Variants in GRID2 observed in about 807,000 individuals in gnomAD.
GRID2 encodes the protein glutamate ionotropic receptor delta type subunit 2.
Under a neutral mutation model 114.8 loss-of-function variants are expected in GRID2, and 33 were observed. The ratio of observed to expected loss-of-function variants is 0.29; its 90% CI spans 0.22 to 0.38. The LOEUF (loss-of-function observed/expected upper bound fraction) is 0.38. GRID2 is among the 10% of genes least tolerant of loss of function. The probability of loss-of-function intolerance (pLI) is 1.00; values close to 1 mark genes in which losing one functional copy is unlikely to be tolerated. For missense variants in GRID2, 1,184 were observed against 1,257.7 expected (o/e 0.94, Z 0.89); for synonymous variants, 505 against 449.9 (o/e 1.12, Z -1.55).
intron 8 of GRID2, among the ~76,000 whole-genome samples, chr4:93,293,299 G>A (rs186223522): frequency 1.1e-4 from 16 of 152,144 alleles, no homozygotes; most frequent in Non-Finnish European, 1.9e-4. Context: ...ATCTACATCC[G>A]CTCCCATACA....
At chr4:93,791,297 G>C (rs1392429251) in intron 1 of GRID2, among the ~76,000 whole-genome samples, 1 of 152,052 alleles carries the variant, frequency 6.6e-6, no homozygotes, top group South Asian at 2.1e-4. Flanking sequence ...GCACCACCTC[G>C]TGTCAGGGCC....
intron 1 of GRID2, among the ~76,000 whole-genome samples, chr4:92,471,222 A>C (rs918050661): frequency 6.6e-6 from 1 of 152,052 alleles, no homozygotes; most frequent in Non-Finnish European, 1.5e-5. Context: ...TAAGGTTAGG[A>C]TCATGTTTTA....
At chr4:93,264,770 ATAT>A (rs1750631984) in intron 8 of GRID2, among the ~76,000 whole-genome samples, 8 of 144,432 alleles carry the variant, frequency 5.5e-5, no homozygotes, top group South Asian at 4.2e-4. Context: ...ATATATATAT[ATAT>A]AAATATATAT....
chr4:92,665,744 T>C lies in GRID2; in HGVS notation c.244+75458T>C, dbSNP rs1376498403. On this transcript the variant is annotated intron_variant, in intron 2 of 15. Coordinates refer to ENST00000282020, the MANE Select transcript of GRID2 (RefSeq NM_001510.4). ...TTTTCTAGTAGTTATTTAAATATAA[T>C]AGTCCATTGCCTTCTAGACTGCAGT... Among the ~76,000 whole-genome samples the C allele has an allele frequency of 6.0e-5, 9 of 151,158 alleles. No homozygotes were observed. In the Admixed American group the frequency reaches 6.0e-4, roughly 10 times the overall value.
intron 2 of GRID2, among the ~76,000 whole-genome samples, chr4:92,965,476 A>AAAAAAAAAAAAAAAAAAAAC (rs1753091953): frequency 7.6e-6 from 1 of 132,224 alleles, no homozygotes; most frequent in Non-Finnish European, 1.6e-5. Flanking sequence ...AAAAAAAAAA[A>AAAAAAAAAAAAAAAAAAAAC]AAAAAAAAAA....
chr4:93,033,467 A>G (rs1459232980), intron 2 of GRID2, among the ~76,000 whole-genome samples: 2 of 152,164 alleles, frequency 1.3e-5, no homozygotes, highest in Non-Finnish European at 2.9e-5. Context: ...CACATGGAGT[A>G]TTGTGAATCA....
intron 12 of GRID2, among the ~76,000 whole-genome samples, chr4:93,504,794 C>T (rs1450148025): frequency 6.7e-6 from 1 of 148,858 alleles, no homozygotes; most frequent in Non-Finnish European, 1.5e-5. Context: ...AACTAAAATA[C>T]AAGAGAAAAA....
At chr4:93,598,415 A>G (rs984778515) in intron 13 of GRID2, among the ~76,000 whole-genome samples, 1 of 151,834 alleles carries the variant, frequency 6.6e-6, no homozygotes. Context: ...TCTCTTTTAA[A>G]GTTTTTTTAC....
At chr4:92,928,744 C>G (rs910069875) in intron 2 of GRID2, among the ~76,000 whole-genome samples, 1 of 151,606 alleles carries the variant, frequency 6.6e-6, no homozygotes, top group African/African-American at 2.4e-5. Flanking sequence ...AGTGCAAACA[C>G]TGAACAAAAC....
At chr4:92,755,999 G>A (rs1012296742) in intron 2 of GRID2, among the ~76,000 whole-genome samples, 1 of 152,084 alleles carries the variant, frequency 6.6e-6, no homozygotes, top group African/African-American at 2.4e-5. Flanking sequence ...TATTTGAAAT[G>A]TACAGTACAT....
chr4:92,937,142 C>G lies in GRID2; in HGVS notation c.245-147853C>G, dbSNP rs1466533985. Among the ~76,000 whole-genome samples the G allele has an allele frequency of 4.1e-5, 6 of 146,302 alleles. 2 individuals carry two copies. Among genetic ancestry groups the G allele is most frequent in the African/African-American group, 9.7e-5 (4 of 41,140 alleles). ...CATTATGTGGCTTGTCTTTCTCTTT[C>G]CCTTTCTCTCGCTGTCTTGATAGTG... On this transcript the variant is annotated intron_variant, in intron 2 of 15. Transcript: ENST00000282020.
chr4:93,510,473 T>G (rs548617834), intron 12 of GRID2, among the ~76,000 whole-genome samples: 1 of 152,324 alleles, frequency 6.6e-6, no homozygotes, highest in Non-Finnish European at 1.5e-5. Flanking sequence ...TTTAAAAAAA[T>G]AGTTGACAGT....
chr4:93,281,599 C>T (rs1357037762), intron 8 of GRID2, among the ~76,000 whole-genome samples: 2 of 151,954 alleles, frequency 1.3e-5, no homozygotes, highest in African/African-American at 4.8e-5. Flanking sequence ...TATAGTGAAG[C>T]AATCTTAGAG....
intron 13 of GRID2, among the ~76,000 whole-genome samples, chr4:93,534,558 A>G (rs1267974086): frequency 1.3e-5 from 2 of 152,142 alleles, no homozygotes; most frequent in Non-Finnish European, 2.9e-5. Context: ...ATAGATCCCA[A>G]GCACCTTATA....
intron 2 of GRID2, among the ~76,000 whole-genome samples, chr4:92,998,000 C>T (rs1755311147): frequency 6.6e-6 from 1 of 151,946 alleles, no homozygotes; most frequent in African/African-American, 2.4e-5. Context: ...CTCCTAAAAG[C>T]TATGGCTTTA....
At chr4:92,657,662 A>T (rs1225522423) in intron 2 of GRID2, among the ~76,000 whole-genome samples, 4 of 151,850 alleles carry the variant, frequency 2.6e-5, no homozygotes, top group South Asian at 2.1e-4. Flanking sequence ...AAACAAAATT[A>T]AAAAAACACT....
At chr4:92,956,201 C>T (rs1245922855) in intron 2 of GRID2, among the ~76,000 whole-genome samples, 1 of 152,166 alleles carries the variant, frequency 6.6e-6, no homozygotes, top group African/African-American at 2.4e-5. Context: ...GAACAGTGCA[C>T]TTGCTACAAT....
intron 2 of GRID2, among the ~76,000 whole-genome samples, chr4:92,697,394 G>C (rs920700226): frequency 3.9e-5 from 6 of 152,138 alleles, no homozygotes; most frequent in African/African-American, 1.4e-4. Flanking sequence ...TTCAAGCTAA[G>C]GGTTTGAGTA....
rs545291777 is a variant in GRID2, at chr4:92,713,145, G to A, written c.244+122859G>A. 4.5e-3 allele frequency among the ~76,000 whole-genome samples: 656 copies of A among 145,214 alleles called. 5 individuals carry two copies. The highest frequency in any genetic ancestry group is 0.015 in the African/African-American group (596 of 40,104). Reference sequence around the variant, plus strand: ...ATATCTCCAAATGCTATCCCTCCCCGCTCCCCCCACCCCACAACAGGCCCC... The same window carrying A: ...ATATCTCCAAATGCTATCCCTCCCCACTCCCCCCACCCCACAACAGGCCCC... On this transcript the variant is annotated intron_variant, in intron 2 of 15. Transcript: ENST00000282020.
Sources: gnomAD v4.1 joint callset for allele counts (sites outside exome capture counted in the v4.1 genomes callset) on GRCh38, gnomAD v4.1.1 for gene constraint, MANE v1.5 for transcripts, NCBI Gene and HGNC (gene_info 2026-07-23, HGNC 2026-07-21) for gene names.